The following CD96 variants were observed in gnomAD, a reference collection of about 807,000 sequenced individuals.
CD96 encodes the protein T-cell surface protein tactile.
CD96 carries 70 observed loss-of-function variants against 71.3 expected under a neutral mutation model. The ratio of observed to expected loss-of-function variants is 0.98; its 90% CI spans 0.81 to 1.20. CD96 has a LOEUF of 1.20. CD96 is among the 50% of genes most tolerant of loss of function. The pLI is 0.00. For synonymous variants in CD96, 248 were observed against 233.0 expected, an observed-to-expected ratio of 1.06 and a Z score of -0.59; for missense variants, 742 against 677.5, an observed-to-expected ratio of 1.10 and a Z score of -1.06.
intron 8 of CD96, among the ~76,000 whole-genome samples, chr3:111,610,877 C>T (rs539630892): frequency 5.9e-5 from 9 of 152,286 alleles, no homozygotes; most frequent in African/African-American, 1.7e-4. Flanking sequence ...CTAAGAGATG[C>T]CAACCCGGTG....
rs1491452985 is a variant in CD96, at chr3:111,618,583, T to TC, written c.1181-5171_1181-5170insC. On this transcript the variant is annotated intron_variant, in intron 8 of 13. Transcript: ENST00000352690. Reference sequence around the variant, plus strand: ...AACAATGACCAAATTTATTTCTCTCTTTTTTTTTTTTTTTTTTTTGAGACA... The same window carrying TC: ...AACAATGACCAAATTTATTTCTCTCTCTTTTTTTTTTTTTTTTTTTGAGACA... 1.5e-4 allele frequency among the ~76,000 whole-genome samples: 12 copies of TC among 78,268 alleles called. No homozygotes were observed. The East Asian group carries it at 3.8e-3, about 25-fold the overall frequency. The allele number at this position is 78,268 out of a possible 152,430, so 51.3% of individuals were successfully genotyped here.
At chr3:111,574,021 A>G (rs561657391) in intron 3 of CD96, among the ~76,000 whole-genome samples, 1 of 152,344 alleles carries the variant, frequency 6.6e-6, no homozygotes, top group African/African-American at 2.4e-5. Context: ...TTGCTTTGAC[A>G]GCACTGACTG....
intron 14 of CD96, among the ~76,000 whole-genome samples, chr3:111,658,508 GT>G (rs1940284219): frequency 6.6e-6 from 1 of 152,216 alleles, no homozygotes; most frequent in South Asian, 2.1e-4. Context: ...TGGATACTAA[GT>G]TGAGGAAATT....
intron 3 of CD96, chr3:111,570,773 A>G (rs887278155): frequency 5.0e-6 from 8 of 1,613,420 alleles, no homozygotes; most frequent in African/African-American, 4.0e-5. Flanking sequence ...CATCCTCTAG[A>G]TCCAGGGAAA....
chr3:111,590,391 T>C (rs1936921384), intron 5 of CD96, among the ~76,000 whole-genome samples: 1 of 152,218 alleles, frequency 6.6e-6, no homozygotes, highest in South Asian at 2.1e-4. Context: ...GCACACACTG[T>C]CTCTGCTACC....
downstream of CD96, among the ~76,000 whole-genome samples, chr3:111,654,436 G>A (rs1026209867): frequency 2.0e-5 from 3 of 152,240 alleles, no homozygotes; most frequent in African/African-American, 7.2e-5. Flanking sequence ...AGCTTGAATG[G>A]TGCATCTGTG....
At chr3:111,601,018 A>C in intron 7 of CD96, 104 bp downstream of exon 7, 3 of 751,188 alleles carry the variant, frequency 4.0e-6, no homozygotes, top group Non-Finnish European at 6.7e-6. Context: ...TTTTAATCTC[A>C]GAAAACTTTT....
intron 1 of CD96, among the ~76,000 whole-genome samples, chr3:111,542,835 T>C (rs1934174659): frequency 6.6e-6 from 1 of 152,158 alleles, no homozygotes; most frequent in Admixed American, 6.5e-5. Flanking sequence ...GGAGACAAAG[T>C]GGAATCCTTA....
intron 8 of CD96, among the ~76,000 whole-genome samples, chr3:111,614,287 C>T (rs1938110393): frequency 6.6e-6 from 1 of 152,150 alleles, no homozygotes; most frequent in Non-Finnish European, 1.5e-5. Flanking sequence ...TCATCCTCTC[C>T]TCCGCTCCTA....
At chr3:111,608,839 GA>G (rs1236640431) in intron 8 of CD96, among the ~76,000 whole-genome samples, 1 of 152,068 alleles carries the variant, frequency 6.6e-6, no homozygotes, top group Non-Finnish European at 1.5e-5. Context: ...TAATGCTAAA[GA>G]AAAAAGATAA....
At chr3:111,602,392 T>C (rs1361602226) in intron 7 of CD96, among the ~76,000 whole-genome samples, 1 of 152,216 alleles carries the variant, frequency 6.6e-6, no homozygotes, top group Admixed American at 6.5e-5. Flanking sequence ...ATAATTCCAA[T>C]TGTATAGGGC....
chr3:111,593,615 C>A, intron 5 of CD96: 1 of 1,586,386 alleles, frequency 6.3e-7, no homozygotes. Flanking sequence ...CTTCTCAGCC[C>A]TCACCTTCCA....
downstream of CD96, among the ~76,000 whole-genome samples, chr3:111,652,809 T>C (rs1475502820): frequency 6.6e-6 from 1 of 152,072 alleles, no homozygotes; most frequent in Non-Finnish European, 1.5e-5. Flanking sequence ...GACAGTTTCA[T>C]TTGAGCCTTA....
At chr3:111,618,182 A>C (rs1559759722) in intron 8 of CD96, among the ~76,000 whole-genome samples, 3 of 152,176 alleles carry the variant, frequency 2.0e-5, no homozygotes, top group Non-Finnish European at 4.4e-5. Flanking sequence ...CAGGTGTGGG[A>C]TCCAGGCTGG....
intron 12 of CD96, among the ~76,000 whole-genome samples, chr3:111,647,299 G>A (rs1209781432): frequency 2.6e-5 from 4 of 151,912 alleles, no homozygotes; most frequent in Non-Finnish European, 5.9e-5. Context: ...AATAAAAAGG[G>A]TATATATTCA....
chr3:111,545,135 G>A lies in CD96; in HGVS notation c.151G>A (p.Gly51Ser), dbSNP rs138466788. 43 of 1,614,030 alleles carry A rather than the reference G, an allele frequency of 2.7e-5. No individual in the cohort carries two copies. The highest frequency in any genetic ancestry group is 3.6e-5 in the Non-Finnish European group (42 of 1,180,036). ...CCTGACCTGCCAAACACAGACAGTA[G>A]GCTTCTTCGTGCAGATGCAATGGTC... is the stretch of plus-strand genomic sequence containing the variant. ...VNLTCQTQTV[G>S]FFVQMQWSKV... Residue 51 changes from glycine to serine, a missense_variant, in exon 2 of 14, where the codon GGC becomes AGC. Physicochemically the swap from Gly to Ser is moderately conservative, Grantham distance 56. Coordinates refer to ENST00000352690, the MANE Select transcript of CD96 (RefSeq NM_005816.5).
rs186100624 is a variant in CD96 at position 111,609,069 on chromosome 3, C to T, written c.1180+2277C>T. On this transcript the variant is annotated intron_variant, in intron 8 of 13. Coordinates refer to ENST00000352690, the MANE Select transcript of CD96 (RefSeq NM_005816.5). ...CCCGGGAGAGATGAAATAACTTGAC[C>T]TTTGAAGTATGTATTGTATATATTT... is the stretch of plus-strand genomic sequence containing the variant. Among the ~76,000 whole-genome samples the T allele has an allele frequency of 1.2e-4, 18 of 152,190 alleles. No individual in the cohort carries two copies. The East Asian group carries it at 2.9e-3, about 24-fold the overall frequency.
intron 10 of CD96, among the ~76,000 whole-genome samples, chr3:111,627,970 A>G (rs192225451): frequency 2.0e-5 from 3 of 152,228 alleles, no homozygotes; most frequent in African/African-American, 4.8e-5. Context: ...AACAGCAACA[A>G]CAAAACAAAA....
intron 2 of CD96, among the ~76,000 whole-genome samples, chr3:111,564,586 T>G (rs1249325208): frequency 6.6e-6 from 1 of 152,218 alleles, no homozygotes. Context: ...ATCATTTTAT[T>G]TCTTTTAGCT....
Sources: gnomAD v4.1 joint callset for allele counts (sites outside exome capture counted in the v4.1 genomes callset) on GRCh38, gnomAD v4.1.1 for gene constraint, MANE v1.5 for transcripts, NCBI Gene and HGNC (gene_info 2026-07-23, HGNC 2026-07-21) for gene names.